The following DNAH10 variants were observed in gnomAD, a reference collection of about 807,000 sequenced individuals.
DNAH10 encodes axonemal beta dynein heavy chain 10.
A neutral mutation model predicts 506.6 loss-of-function variants in DNAH10; 348 were observed. The ratio of observed to expected loss-of-function variants is 0.69; its 90% confidence interval spans 0.63 to 0.75. DNAH10 has a LOEUF of 0.75. DNAH10 is among the 30% of genes least tolerant of loss of function. The pLI, the probability that DNAH10 is intolerant of heterozygous loss-of-function variation, is 0.00. For synonymous variants in DNAH10, 2,059 were observed against 2,198.6 expected, an observed-to-expected ratio of 0.94 and a Z score of 1.78; for missense variants, 5,179 against 5,787.1, an observed-to-expected ratio of 0.89 and a Z score of 3.41.
Position 123,838,738 on chromosome 12 carries a change from C to T in DNAH10, c.5136+49C>T, listed in dbSNP as rs750817898. The T allele has an allele frequency of 5.2e-6, 8 of 1,526,438 alleles. No individual in the cohort carries two copies. In the East Asian group the frequency reaches 1.6e-4, roughly 30 times the overall value. 94.6% of individuals were successfully genotyped at this position (1,526,438 alleles called of 1,614,324 possible). A position where few individuals can be genotyped will look rare whatever the true frequency, so the allele number is the denominator to read the frequency against. ...GCTCCCCGTGTAAGCCTTAGAACCG[C>T]CTTCGGTCCTCCCTGGTTCCCTTTG... On this transcript the variant is annotated intron_variant, in intron 29 of 78. Transcript: ENST00000673944.
At chr12:123,872,463 T>C (rs2136982091) in intron 45 of DNAH10, among the ~76,000 whole-genome samples, 1 of 152,254 alleles carries the variant, frequency 6.6e-6, no homozygotes, top group Non-Finnish European at 1.5e-5. Context: ...CTGGTGCTCA[T>C]CAGCCCAGCC....
Position 123,870,403 on chromosome 12 carries a change from C to T in DNAH10, c.7557C>T (p.Asn2519=). ...LPTLYDFHFD[N]KRNQWVPWSK... Reference sequence around the variant, plus strand: ...CCTTGTATGACTTTCATTTTGATAACAAACGGAATCAATGGGTCCCATGGA... The same window carrying T: ...CCTTGTATGACTTTCATTTTGATAATAAACGGAATCAATGGGTCCCATGGA... The change falls in exon 44 of 79, where the codon AAC becomes AAT. Residue 2519 remains asparagine, a synonymous_variant. Transcript: ENST00000673944. 1.9e-6 allele frequency: 3 copies of T among 1,613,900 alleles called. No homozygotes were observed. The highest frequency in any genetic ancestry group is 2.5e-6 in the Non-Finnish European group (3 of 1,179,878).
intron 78 of DNAH10, chr12:123,935,132 C>T (rs1955431999): frequency 1.6e-6 from 1 of 635,428 alleles, no homozygotes; most frequent in African/African-American, 1.8e-5. Context: ...GGGCCAGGAC[C>T]CACTTTTAAC....
intron 36 of DNAH10, among the ~76,000 whole-genome samples, chr12:123,854,925 T>C (rs1951327944): frequency 6.6e-6 from 1 of 152,214 alleles, no homozygotes; most frequent in Non-Finnish European, 1.5e-5. Flanking sequence ...GCCCATGAAG[T>C]CAGCTGTACT....
rs369042115 is a variant in DNAH10 at position 123,893,295 on chromosome 12, G to A, written c.9058G>A (p.Glu3020Lys). The A allele has an allele frequency of 5.6e-6, 9 of 1,613,966 alleles. No individual in the cohort carries two copies. In the African/African-American group the frequency reaches 6.7e-5, roughly 12 times the overall value. The change falls in exon 53 of 79, where the codon GAA (glutamate) becomes AAA (lysine). Residue 3020 changes from glutamate (E) to lysine (K), a missense_variant. Glu to Lys is a moderately conservative substitution (Grantham distance 56). Coordinates refer to ENST00000673944, the MANE Select transcript of DNAH10 (RefSeq NM_001372106.1). The stretch of plus-strand genomic sequence containing the variant: ...GTCTATCCTGAGTCAGATTGGACAG[G>A]AAGCTCTGAAGCAAGGCATGGGGCC... Reference protein sequence around the residue: ...KESILSQIGQEALKQGMGPAK... With the variant: ...KESILSQIGQKALKQGMGPAK...
Position 123,787,900 on chromosome 12 carries a change from G to A in DNAH10, c.1518G>A (p.Glu506=). 6.2e-7 allele frequency: 1 copy of A among 1,613,080 alleles called. No homozygotes were observed. The highest frequency in any genetic ancestry group is 8.5e-7 in the Non-Finnish European group (1 of 1,179,576). Reference sequence around the variant, plus strand: ...ATTTTGACACCCGGGCCAAGATAGAGGCTTCGGGGAGGGAAGATCGGTGGG... The same window carrying A: ...ATTTTGACACCCGGGCCAAGATAGAAGCTTCGGGGAGGGAAGATCGGTGGG... ...KAYFDTRAKI[E]ASGREDRWEF... Residue 506 remains glutamate, a synonymous_variant, in exon 10 of 79, where the codon GAG becomes GAA. Transcript: ENST00000673944. The surrounding 1 kb of genome is among the most constrained non-coding windows in gnomAD (Gnocchi z 4.6).
intron 50 of DNAH10, among the ~76,000 whole-genome samples, chr12:123,880,241 T>C (rs1345578018): frequency 1.3e-5 from 2 of 152,236 alleles, no homozygotes; most frequent in East Asian, 3.8e-4. Flanking sequence ...TTTTAACTAC[T>C]ATAGATGTTC....
chr12:123,867,363 T>G (rs1951851786), intron 41 of DNAH10, 104 bp from the exon 42 acceptor site: 3 of 1,248,902 alleles, frequency 2.4e-6, no homozygotes, highest in Admixed American at 2.7e-5. Context: ...GTATCATTCA[T>G]CAGAAGATGT....
In DNAH10 at chr12:123,926,912, C is replaced by A; in HGVS notation, c.12105+92C>A. The A allele has an allele frequency of 7.1e-7, 1 of 1,407,088 alleles. No homozygotes were observed. The highest frequency in any genetic ancestry group is 9.6e-7 in the Non-Finnish European group (1 of 1,039,422). 87.2% of individuals were successfully genotyped at this position (1,407,088 alleles called of 1,614,324 possible). A position where few individuals can be genotyped will look rare whatever the true frequency, so the allele number is the denominator to read the frequency against. On this transcript the variant is annotated intron_variant, in intron 69 of 78. Transcript: ENST00000673944. The surrounding 1 kb of genome is among the most constrained non-coding windows in gnomAD (Gnocchi z 4.1). ...GCTAACCTGGGTTTAAGCTGAGTGC[C>A]ACGCCACAAATCAGTTGGATGCATT... is the stretch of plus-strand genomic sequence containing the variant.
At chr12:123,828,408 G>A (rs190719470) in intron 25 of DNAH10, among the ~76,000 whole-genome samples, 3 of 152,320 alleles carry the variant, frequency 2.0e-5, no homozygotes, top group Non-Finnish European at 4.4e-5. Context: ...CTCTCTTAGA[G>A]ACTAAGAGTT....
chr12:123,781,370 C>T, intron 6 of DNAH10, 71 bp downstream of exon 6: 1 of 1,384,070 alleles, frequency 7.2e-7, no homozygotes, highest in Non-Finnish European at 9.9e-7. Context: ...CAGGTGCATG[C>T]CACCATGCCT....
Position 123,864,588 on chromosome 12 carries a change from G to A in DNAH10, c.6909-7G>A. Reference sequence around the variant, plus strand: ...ACCCATGGCTCTCCTTTCTTTGGTTGCTGCAGGTATATTTTATTTGATGGT... The same window carrying A: ...ACCCATGGCTCTCCTTTCTTTGGTTACTGCAGGTATATTTTATTTGATGGT... On this transcript the variant is annotated splice_polypyrimidine_tract_variant and splice_region_variant and intron_variant, in intron 39 of 78. Transcript: ENST00000673944. 1 of 1,613,230 alleles carries A rather than the reference G, an allele frequency of 6.2e-7. No individual in the cohort carries two copies. Among genetic ancestry groups the A allele is most frequent in the Non-Finnish European group, 8.5e-7 (1 of 1,179,640 alleles).
At position 123,925,361 on chromosome 12, in the gene DNAH10, T is replaced by C; in HGVS notation, c.11921+157T>C. The stretch of plus-strand genomic sequence containing the variant: ...TCGATAGCCGATATTCTAGAATTCT[T>C]CAATATTCTAGAACAGTGCTAGTCA... On this transcript the variant is annotated intron_variant, in intron 68 of 78. Transcript: ENST00000673944. This position sits in a 1 kb window ranked among gnomAD's most constrained non-coding sequence, Gnocchi z 4.0. 1 of 1,028,816 alleles carries C rather than the reference T, an allele frequency of 9.7e-7. No homozygotes were observed. The highest frequency in any genetic ancestry group is 1.4e-6 in the Non-Finnish European group (1 of 721,248). The allele number at this position is 1,028,816 out of a possible 1,614,324, so 63.7% of individuals were successfully genotyped here. A position where few individuals can be genotyped will look rare whatever the true frequency, so the allele number is the denominator to read the frequency against.
rs775729732 is a variant in DNAH10 at position 123,931,420 on chromosome 12, G to T, written c.12864G>T (p.Thr4288=). 3 of 1,614,006 alleles carry T rather than the reference G, an allele frequency of 1.9e-6. No individual in the cohort carries two copies. The highest frequency in any genetic ancestry group is 1.3e-5 in the African/African-American group (1 of 75,040). ...CCAACGCTGAGATTGGCTATTACAC[G>T]CAGGCGGCTCGAGACATGTGGGCTC... ...LHPNAEIGYY[T]QAARDMWAHL... is the part of the protein sequence containing the mutation. Residue 4288 remains threonine, a synonymous_variant, in exon 74 of 79, where the codon ACG becomes ACT. Coordinates refer to ENST00000673944, the MANE Select transcript of DNAH10 (RefSeq NM_001372106.1).
Position 123,896,952 on chromosome 12 carries a change from A to T in DNAH10, c.9281-818A>T, listed in dbSNP as rs144147421. Among the ~76,000 whole-genome samples the T allele has an allele frequency of 3.2e-3, 484 of 152,238 alleles. 4 individuals are homozygous for T. Among genetic ancestry groups the T allele is most frequent in the African/African-American group, 0.011 (449 of 41,526 alleles). On this transcript the variant is annotated intron_variant, in intron 54 of 78. Coordinates refer to ENST00000673944, the MANE Select transcript of DNAH10 (RefSeq NM_001372106.1). The stretch of plus-strand genomic sequence containing the variant: ...ACCAACACCACTGTCTGTTGCCAAA[A>T]CTTTTCATCATCCCAAACTGAAACT...
chr12:123,889,306 G>A (rs987206003), intron 52 of DNAH10, among the ~76,000 whole-genome samples: 4 of 152,196 alleles, frequency 2.6e-5, no homozygotes, highest in South Asian at 2.1e-4. Flanking sequence ...ACAGGGAAAC[G>A]CACAACATTT....
chr12:123,831,578 G>C (rs554411795), intron 26 of DNAH10, among the ~76,000 whole-genome samples: 1 of 152,122 alleles, frequency 6.6e-6, no homozygotes, highest in East Asian at 1.9e-4. Flanking sequence ...CTAATAGTAC[G>C]TGTGTATCTA....
intron 37 of DNAH10, among the ~76,000 whole-genome samples, 181 bp from the exon 38 acceptor site, chr12:123,858,969 G>A (rs1468152334): frequency 6.6e-6 from 1 of 152,044 alleles, no homozygotes; most frequent in Non-Finnish European, 1.5e-5. Context: ...TTGTGGGGAG[G>A]GGTGATAAAA....
intron 39 of DNAH10, 135 bp downstream of exon 39, chr12:123,861,305 T>G (rs1394510497): frequency 1.7e-6 from 2 of 1,188,310 alleles, no homozygotes; most frequent in East Asian, 5.1e-5. Context: ...TCTTGGAGGC[T>G]GTGCTTCGGA....
Sources: allele counts gnomAD v4.1 joint callset (sites outside exome capture counted in the v4.1 genomes callset), GRCh38; gene constraint gnomAD v4.1.1; non-coding constraint Gnocchi (gnomAD v3.1); transcripts MANE v1.5; gene names NCBI Gene and HGNC (gene_info 2026-07-23, HGNC 2026-07-21).